The following ENDOV variants were observed in gnomAD, a reference collection of about 807,000 sequenced individuals.
The protein encoded by ENDOV is hEndoV.
A neutral mutation model predicts 39.4 loss-of-function variants in ENDOV; 37 were observed. The observed-to-expected ratio is 0.94, with a 90% CI of 0.72 to 1.23. The LOEUF (loss-of-function observed/expected upper bound fraction) is 1.23. ENDOV is among the 50% of genes most tolerant of loss of function. The pLI, the probability that ENDOV is intolerant of heterozygous loss-of-function variation, is 0.00. For synonymous variants in ENDOV, 186 were observed against 163.4 expected (o/e 1.14, Z -1.05); for missense variants, 441 against 375.7 (o/e 1.17, Z -1.44).
intron 2 of ENDOV, chr17:80,420,061 G>T: frequency 4.3e-6 from 1 of 234,230 alleles, no homozygotes; most frequent in South Asian, 6.2e-5. Flanking sequence ...TTCAGCTGTT[G>T]CTGCTCTGGA....
intron 1 of ENDOV, 29 bp downstream of exon 1, chr17:80,415,279 C>G (rs1241969802): frequency 6.2e-7 from 1 of 1,611,728 alleles, no homozygotes; most frequent in African/African-American, 1.3e-5. Flanking sequence ...GCGCAGGAGG[C>G]GGGGGCCGAG....
chr17:80,429,815 C>T lies in ENDOV; in HGVS notation c.822C>T (p.Asp274=). 6.2e-7 allele frequency: 1 copy of T among 1,612,688 alleles called. No homozygotes were observed. The change falls in exon 9 of 10, where the codon GAC becomes GAT. Residue 274 remains aspartate, a synonymous_variant. Coordinates refer to ENST00000518137, the MANE Select transcript of ENDOV (RefSeq NM_173627.5). ...GGCCAGTGGCATGCCCCAAAGGAGA[C>T]TCCGGAGAGTCCTCAGGTGAGGGCC... ...AQRPVACPKG[D]SGESSALC is the part of the protein sequence containing the mutation.
At chr17:80,430,018 G>T in intron 9 of ENDOV, 187 bp downstream of exon 9, 1 of 1,536,490 alleles carries the variant, frequency 6.5e-7, no homozygotes, top group East Asian at 2.4e-5. Flanking sequence ...TAGGGACTTA[G>T]GGGAACCTCA....
chr17:80,426,286 T>A (rs2082675222), intron 7 of ENDOV, among the ~76,000 whole-genome samples: 1 of 151,978 alleles, frequency 6.6e-6, no homozygotes, highest in African/African-American at 2.4e-5. Context: ...TCAAGAAAAG[T>A]CAGTCTTAGG....
chr17:80,431,615 C>T (rs991342711), intron 9 of ENDOV, among the ~76,000 whole-genome samples: 12 of 152,136 alleles, frequency 7.9e-5, no homozygotes, highest in African/African-American at 2.9e-4. Flanking sequence ...CCAGTGCGGC[C>T]CCTCAGGCCC....
chr17:80,422,046 A>C, intron 3 of ENDOV, 84 bp downstream of exon 3: 1 of 1,565,822 alleles, frequency 6.4e-7, no homozygotes. Flanking sequence ...CCACCACCAC[A>C]GTGGCAGGGA....
chr17:80,429,994 C>A, intron 9 of ENDOV, 163 bp downstream of exon 9: 3 of 1,540,006 alleles, frequency 1.9e-6, no homozygotes, highest in Non-Finnish European at 2.6e-6. Context: ...CACTGACCAC[C>A]CCTGGGGGTG....
chr17:80,430,421 G>C, intron 9 of ENDOV: 1 of 1,438,542 alleles, frequency 7.0e-7, no homozygotes, highest in Non-Finnish European at 9.2e-7. Flanking sequence ...TTACCCTGAG[G>C]TTTACTTGCA....
chr17:80,420,995 G>A (rs2081937572), intron 2 of ENDOV, among the ~76,000 whole-genome samples: 1 of 151,390 alleles, frequency 6.6e-6, no homozygotes, highest in Non-Finnish European at 1.5e-5. Flanking sequence ...TCTTCTTTAA[G>A]CCTCCAACAA....
intron 2 of ENDOV, among the ~76,000 whole-genome samples, chr17:80,421,405 C>T (rs1411469760): frequency 1.3e-5 from 2 of 148,326 alleles, no homozygotes; most frequent in Admixed American, 6.7e-5. Context: ...GTCCCAGGGG[C>T]TCCTACTATA....
chr17:80,415,463 G>A (rs2080967981), intron 1 of ENDOV, 187 bp from the exon 2 acceptor site: 4 of 993,930 alleles, frequency 4.0e-6, no homozygotes, highest in Admixed American at 2.9e-5. Flanking sequence ...AGTTTGTCTG[G>A]CCTGCGCTTG....
chr17:80,426,211 G>A (rs1010138967), intron 7 of ENDOV, among the ~76,000 whole-genome samples: 3 of 152,210 alleles, frequency 2.0e-5, no homozygotes, highest in Non-Finnish European at 4.4e-5. Context: ...AGACAGCCTC[G>A]ATAGGACCAG....
intron 2 of ENDOV, chr17:80,419,800 G>T (rs2081747255): frequency 1.5e-6 from 1 of 654,432 alleles, no homozygotes. Context: ...CAGGAACTTG[G>T]ATGTGGTCTA....
Position 80,415,781 on chromosome 17 carries a change from C to A in ENDOV, c.188C>A (p.Ala63Asp), listed in dbSNP as rs769828483. 1 of 1,603,674 alleles carries A rather than the reference C, an allele frequency of 6.2e-7. No homozygotes were observed. The highest frequency in any genetic ancestry group is 8.5e-7 in the Non-Finnish European group (1 of 1,175,316). Residue 63 changes from alanine (A) to aspartate (D), a missense_variant, in exon 2 of 10, where the codon GCT (alanine) becomes GAT (aspartate). Transcript: ENST00000518137. ...TTCGTGAAAGGGGACAGTGTCCGCG[C>A]TTGTGCTTCCCTGGTGGTGCTCAGC... ...VSFVKGDSVR[A>D]CASLVVLSFP...
chr17:80,426,822 G>A (rs547481427), intron 7 of ENDOV, among the ~76,000 whole-genome samples: 136 of 152,348 alleles, frequency 8.9e-4, no homozygotes, highest in African/African-American at 3.2e-3. Context: ...CCGCAGATTG[G>A]CCTTTTTAGG....
In ENDOV at chr17:80,425,051, G is replaced by A. The variant is rs1018548551; in HGVS notation, c.536G>A (p.Arg179Gln). 6.8e-6 allele frequency: 11 copies of A among 1,612,294 alleles called. No individual in the cohort carries two copies. The African/African-American group carries it at 1.1e-4, about 16-fold the overall frequency. ...HKEKIRLLQT[R>Q]GDSFPLLGDS... is the part of the protein sequence containing the mutation. ...TTCCAGATCCGACTCCTGCAGACTC[G>A]AGGAGACTCATTCCCTCTGCTGGGA... The change falls in exon 6 of 10, where the codon CGA becomes CAA. Residue 179 changes from arginine (R) to glutamine (Q), a missense_variant. Arg to Gln is a conservative substitution (Grantham distance 43). Transcript: ENST00000518137.
Position 80,425,018 on chromosome 17 carries a change from C to T in ENDOV, c.517-14C>T, listed in dbSNP as rs755868528. 7 of 1,609,654 alleles carry T rather than the reference C, an allele frequency of 4.3e-6. No individual in the cohort carries two copies. In the South Asian group the frequency reaches 7.8e-5, roughly 18 times the overall value. ...AGAGGGGTTTTTTTCCCCATTTTTC[C>T]CTCCATTTTCCAGATCCGACTCCTG... is the stretch of plus-strand genomic sequence containing the variant. On this transcript the variant is annotated splice_polypyrimidine_tract_variant and intron_variant, in intron 5 of 9. Transcript: ENST00000518137.
chr17:80,435,007 C>T (rs890524892), intron 9 of ENDOV, among the ~76,000 whole-genome samples: 16 of 152,146 alleles, frequency 1.1e-4, no homozygotes, highest in African/African-American at 2.7e-4. Context: ...TGGTGGTGAG[C>T]GCCTTCTCAT....
chr17:80,425,894 C>T (rs750392577), intron 7 of ENDOV, among the ~76,000 whole-genome samples: 1 of 152,204 alleles, frequency 6.6e-6, no homozygotes, highest in Non-Finnish European at 1.5e-5. Flanking sequence ...GCCTCCTGCA[C>T]CCAGATACAG....
Sources: allele counts gnomAD v4.1 joint callset (sites outside exome capture counted in the v4.1 genomes callset), GRCh38; gene constraint gnomAD v4.1.1; transcripts MANE v1.5; gene names NCBI Gene and HGNC (gene_info 2026-07-23, HGNC 2026-07-21).